The following SYNE1 variants were observed in gnomAD, a reference collection of about 807,000 sequenced individuals.
SYNE1 encodes spectrin repeat containing nuclear envelope protein 1, also known as nesprin-1.
SYNE1 carries 616 observed loss-of-function variants against 1,111.0 expected under a neutral mutation model. That is an observed-to-expected ratio of 0.55 (90% CI 0.52 to 0.59). The LOEUF (loss-of-function observed/expected upper bound fraction) is 0.59. SYNE1 is among the 20% of genes least tolerant of loss of function. SYNE1 has a pLI of 0.00. For missense variants in SYNE1, 10,006 were observed against 10,417.0 expected (o/e 0.96, Z 1.72); for synonymous variants, 3,855 against 3,825.8 (o/e 1.01, Z -0.28).
chr6:152,218,000 T>C (rs369655507), intron 121 of SYNE1, among the ~76,000 whole-genome samples: 8 of 152,082 alleles, frequency 5.3e-5, no homozygotes, highest in African/African-American at 1.9e-4. Flanking sequence ...CCTCGGGTGA[T>C]CAGTTCAAGA....
In SYNE1 at chr6:152,444,398, G is replaced by C. The variant is rs1186502821; in HGVS notation, c.3837+13C>G. The C allele has an allele frequency of 1.2e-6, 2 of 1,613,116 alleles. No homozygotes were observed. The highest frequency in any genetic ancestry group is 2.7e-5 in the African/African-American group (2 of 74,886). On this transcript the variant is annotated intron_variant, in intron 30 of 145. Transcript: ENST00000367255. ...CTTTACATAATCTTGTTGGAAGAAA[G>C]AGGCATTTTTACCTGGTGATGAAGA...
chr6:152,201,959 G>C lies in SYNE1; in HGVS notation c.23020-10C>G, dbSNP rs200879912. 4 of 1,613,706 alleles carry C rather than the reference G, an allele frequency of 2.5e-6. No individual in the cohort carries two copies. In the East Asian group the frequency reaches 8.9e-5, roughly 36 times the overall value. ...CACATTTTTCCCAGTCCTATCATGG[G>C]AATAAAAACAAATAGCATAGATGTT... is the stretch of plus-strand genomic sequence containing the variant. On this transcript the variant is annotated splice_polypyrimidine_tract_variant and intron_variant, in intron 126 of 145. Coordinates refer to ENST00000367255, the MANE Select transcript of SYNE1 (RefSeq NM_182961.4).
intron 16 of SYNE1, among the ~76,000 whole-genome samples, chr6:152,466,415 TGTC>T (rs1393446400): frequency 1.3e-5 from 2 of 152,218 alleles, no homozygotes; most frequent in Non-Finnish European, 2.9e-5. Flanking sequence ...CATTTTAAAG[TGTC>T]CCACTGTGTC....
At chr6:152,473,891 A>C (rs2098820629) in intron 14 of SYNE1, among the ~76,000 whole-genome samples, 1 of 152,208 alleles carries the variant, frequency 6.6e-6, no homozygotes, top group Admixed American at 6.5e-5. Flanking sequence ...ACATATGATA[A>C]AAGAAATTCT....
chr6:152,220,550 T>C (rs2079933965), intron 119 of SYNE1, among the ~76,000 whole-genome samples: 1 of 152,222 alleles, frequency 6.6e-6, no homozygotes, highest in African/African-American at 2.4e-5. Flanking sequence ...ATGTCTTATA[T>C]TGACCACCCT....
chr6:152,520,751 C>T (rs2099134950), intron 5 of SYNE1, among the ~76,000 whole-genome samples: 2 of 152,184 alleles, frequency 1.3e-5, no homozygotes, highest in South Asian at 2.1e-4. Context: ...TAAGTGCATT[C>T]ATTCTCAGAT....
chr6:152,576,695 T>A (rs1191712825), intron 3 of SYNE1, among the ~76,000 whole-genome samples: 1 of 152,210 alleles, frequency 6.6e-6, no homozygotes, highest in Admixed American at 6.5e-5. Flanking sequence ...GACCTTCCTA[T>A]TCAAATTAGC....
In SYNE1 at chr6:152,628,282, A is replaced by G; in HGVS notation, c.50T>C (p.Val17Ala). Residue 17 changes from valine (V) to alanine (A), a missense_variant, in exon 3 of 146, where the codon GTG becomes GCG. Physicochemically the swap from Val to Ala is moderately conservative, Grantham distance 64 (BLOSUM62 0). Around this residue, in one of 7 missense-constraint regions of SYNE1, gnomAD observed 1,971 missense variants for 2,084.1 expected, o/e 0.95. Coordinates refer to ENST00000367255, the MANE Select transcript of SYNE1 (RefSeq NM_182961.4). ...ASRCPRDIAN[V>A]MQRLQDEQEI... ...CCCCCTACCTTGCAGCCTCTGCATC[A>G]CATTGGCGATATCCCGAGGACACCG... 1 of 1,614,160 alleles carries G rather than the reference A, an allele frequency of 6.2e-7. No individual in the cohort carries two copies. Among genetic ancestry groups the G allele is most frequent in the Non-Finnish European group, 8.5e-7 (1 of 1,180,040 alleles).
In SYNE1 at chr6:152,551,053, T is replaced by G. The variant is rs753120150; in HGVS notation, c.68-11032A>C. Among the ~76,000 whole-genome samples, 43 of 152,324 alleles carry G rather than the reference T, an allele frequency of 2.8e-4. No homozygotes were observed. In the Middle Eastern group the frequency reaches 0.014, roughly 48 times the overall value. On this transcript the variant is annotated intron_variant, in intron 3 of 145. Coordinates refer to ENST00000367255, the MANE Select transcript of SYNE1 (RefSeq NM_182961.4). ...AAATCAAGACCACATTTGAACAGTT[T>G]CAAGCAGAACTTTTGTGGATTTTTT...
At chr6:152,405,484 G>C (rs1433556801) in intron 45 of SYNE1, among the ~76,000 whole-genome samples, 1 of 152,148 alleles carries the variant, frequency 6.6e-6, no homozygotes, top group African/African-American at 2.4e-5. Flanking sequence ...TAACTCAAAG[G>C]CCTACGTAAC....
At position 152,232,232 on chromosome 6, in the gene SYNE1, T is replaced by C. The variant is rs1011463233; in HGVS notation, c.20746A>G (p.Ile6916Val). The C allele has an allele frequency of 1.9e-6, 3 of 1,613,904 alleles. No homozygotes were observed. The highest frequency in any genetic ancestry group is 1.7e-6 in the Non-Finnish European group (2 of 1,179,954). Residue 6916 changes from isoleucine (I) to valine (V), a missense_variant, in exon 113 of 146, where the codon ATT becomes GTT. Physicochemically the swap from Ile to Val is conservative, Grantham distance 29 (BLOSUM62 3). Transcript: ENST00000367255. ...GAAATCCAACTCATGACTTCAGAAA[T>C]GGCATGGCGGGAAGGCAGTTTATCC... ...QMDKLPSRHA[I>V]SEVMSWISLM...
At chr6:152,552,293 A>G (rs924923187) in intron 3 of SYNE1, among the ~76,000 whole-genome samples, 8 of 152,094 alleles carry the variant, frequency 5.3e-5, no homozygotes, top group Admixed American at 3.3e-4. Context: ...ACTGCTCTTT[A>G]TCTTAAGTAG....
Position 152,594,422 on chromosome 6 carries a change from T to A in SYNE1, c.67+33843A>T, listed in dbSNP as rs9384014. Among the ~76,000 whole-genome samples the A allele has an allele frequency of 6.6e-3, 1,011 of 152,274 alleles. 50 individuals are homozygous for A. In the East Asian group the frequency reaches 0.14, roughly 21 times the overall value. ...TGTTCAGTATACATAAAGAACTGGG[T>A]TTTGGATGTTTGCTCTATCCAAAGA... is the stretch of plus-strand genomic sequence containing the variant. On this transcript the variant is annotated intron_variant, in intron 3 of 145. Transcript: ENST00000367255.
At chr6:152,560,157 A>T (rs998280260) in intron 3 of SYNE1, among the ~76,000 whole-genome samples, 6 of 152,182 alleles carry the variant, frequency 3.9e-5, no homozygotes, top group African/African-American at 1.4e-4. Flanking sequence ...GTTCAAGACC[A>T]GCCTGAACAA....
At chr6:152,463,566 G>GT (rs1200182833) in intron 18 of SYNE1, 49 bp from the exon 19 acceptor site, 2 of 1,479,908 alleles carry the variant, frequency 1.4e-6, no homozygotes, top group African/African-American at 2.8e-5. Flanking sequence ...CCAAATATCA[G>GT]TGACTGATAT....
intron 51 of SYNE1, among the ~76,000 whole-genome samples, chr6:152,394,147 G>A (rs78720222): frequency 0.021 from 3,138 of 152,276 alleles, 185 homozygotes; most frequent in East Asian, 0.2. Context: ...CCCTGCAAAG[G>A]ACATGAAACT....
chr6:152,553,997 G>A (rs2099356783), intron 3 of SYNE1, among the ~76,000 whole-genome samples: 1 of 152,070 alleles, frequency 6.6e-6, no homozygotes, highest in African/African-American at 2.4e-5. Flanking sequence ...TGGATATGGG[G>A]TGGCCCTGGG....
At chr6:152,376,720 T>A in intron 57 of SYNE1, 56 bp downstream of exon 57, 1 of 1,608,126 alleles carries the variant, frequency 6.2e-7, no homozygotes, top group Non-Finnish European at 8.5e-7. Context: ...TAAAATAAAC[T>A]TCTAGCTTCT....
In SYNE1 at chr6:152,433,899, T is replaced by C; in HGVS notation, c.4357A>G (p.Ser1453Gly). ...MVKTKWDHFG[S>G]NFETLSVWIT... ...CAGACGGACAGAGTCTCAAAATTACTGCCAAAATGATCCCACTTGGTTTTC... is the reference window on the plus strand; with the variant it reads ...CAGACGGACAGAGTCTCAAAATTACCGCCAAAATGATCCCACTTGGTTTTC... The change falls in exon 34 of 146, where the codon AGT (serine) becomes GGT (glycine). Residue 1453 changes from serine to glycine, a missense_variant. By Grantham distance (56) the Ser-to-Gly change is moderately conservative. This residue lies in a region of SYNE1 where 1,971 missense variants were observed against 2,084.1 expected (regional missense o/e 0.95). Coordinates refer to ENST00000367255, the MANE Select transcript of SYNE1 (RefSeq NM_182961.4). 7 of 1,613,778 alleles carry C rather than the reference T, an allele frequency of 4.3e-6. No individual in the cohort carries two copies. The highest frequency in any genetic ancestry group is 5.9e-6 in the Non-Finnish European group (7 of 1,179,806).
Sources: allele counts gnomAD v4.1 joint callset (sites outside exome capture counted in the v4.1 genomes callset), GRCh38; gene constraint gnomAD v4.1.1; regional missense constraint gnomAD v4.1.1; transcripts MANE v1.5; gene names NCBI Gene and HGNC (gene_info 2026-07-23, HGNC 2026-07-21).